FGF14: variants seen among roughly 807,000 people sequenced by gnomAD.
FGF14 encodes fibroblast growth factor 14.
In FGF14, 5 loss-of-function variants were observed where a neutral mutation model predicts 25.5. That is an observed-to-expected ratio of 0.20 (90% CI 0.10 to 0.41). The LOEUF is 0.41. FGF14 is among the 10% of genes least tolerant of loss of function. The pLI, the probability that FGF14 is intolerant of heterozygous loss-of-function variation, is 1.00. For synonymous variants in FGF14, 138 were observed against 118.3 expected (o/e 1.17, Z -1.08); for missense variants, 222 against 320.1 (o/e 0.69, Z 2.34).
At chr13:102,119,483 T>A (rs1225818522) in intron 1 of FGF14, among the ~76,000 whole-genome samples, 1 of 152,144 alleles carries the variant, frequency 6.6e-6, no homozygotes, top group East Asian at 1.9e-4. Context: ...AACAGAATAC[T>A]AAACGAGGCT....
At chr13:101,773,823 C>T (rs1301288547) in intron 3 of FGF14, among the ~76,000 whole-genome samples, 1 of 148,736 alleles carries the variant, frequency 6.7e-6, no homozygotes, top group African/African-American at 2.5e-5. Context: ...TGAGTATTAT[C>T]TGGGTATCAT....
At chr13:101,954,802 G>C (rs940242641) in intron 1 of FGF14, among the ~76,000 whole-genome samples, 2 of 152,172 alleles carry the variant, frequency 1.3e-5, no homozygotes, top group African/African-American at 4.8e-5. Context: ...ATAAGTTCTA[G>C]CAGCTATGAG....
At chr13:102,118,994 C>A (rs2045597033) in intron 1 of FGF14, among the ~76,000 whole-genome samples, 1 of 152,110 alleles carries the variant, frequency 6.6e-6, no homozygotes, top group South Asian at 2.1e-4. Flanking sequence ...CCTACAACCC[C>A]TAATGAATTC....
At chr13:102,116,660 A>T (rs372403520) in intron 1 of FGF14, among the ~76,000 whole-genome samples, 3 of 152,178 alleles carry the variant, frequency 2.0e-5, no homozygotes, top group Non-Finnish European at 4.4e-5. Context: ...CGCCAGGAAC[A>T]GGGGCATGAG....
At chr13:101,967,993 G>T (rs2037324605) in intron 1 of FGF14, among the ~76,000 whole-genome samples, 1 of 152,164 alleles carries the variant, frequency 6.6e-6, no homozygotes, top group South Asian at 2.1e-4. Context: ...ATGAGTCACT[G>T]GGTCAATGGT....
chr13:102,069,309 T>G (rs994259785), intron 1 of FGF14, among the ~76,000 whole-genome samples: 9 of 152,100 alleles, frequency 5.9e-5, no homozygotes, highest in African/African-American at 1.7e-4. Context: ...GCTCAGGGAT[T>G]GTAAACGCAC....
intron 3 of FGF14, among the ~76,000 whole-genome samples, chr13:101,774,166 C>G (rs577492065): frequency 1.3e-5 from 2 of 152,158 alleles, no homozygotes; most frequent in East Asian, 3.9e-4. Flanking sequence ...TCTGAAAAAG[C>G]TAAGATTAGC....
chr13:102,198,980 A>C (rs2049493868), intron 1 of FGF14, among the ~76,000 whole-genome samples: 1 of 152,226 alleles, frequency 6.6e-6, no homozygotes, highest in Non-Finnish European at 1.5e-5. Context: ...CTTATGTCTA[A>C]ATGTCACAAT....
chr13:101,870,321 C>T (rs1052364123), intron 2 of FGF14, among the ~76,000 whole-genome samples: 2 of 152,026 alleles, frequency 1.3e-5, no homozygotes, highest in African/African-American at 2.4e-5. Context: ...TCTCCCCTTA[C>T]ATCTTGAAAG....
intron 1 of FGF14, among the ~76,000 whole-genome samples, chr13:102,089,165 GC>G (rs1239219076): frequency 1.6e-4 from 24 of 151,988 alleles, no homozygotes; most frequent in Admixed American, 1.2e-3. Flanking sequence ...ATATTTGTTT[GC>G]ATTCATTTGA....
rs966380847 is a variant in FGF14 at position 102,400,100 on chromosome 13, G to C, written c.208+1371C>G. Among the ~76,000 whole-genome samples the C allele has an allele frequency of 2.7e-5, 4 of 150,882 alleles. No individual in the cohort carries two copies. The highest frequency in any genetic ancestry group is 2.2e-4 in the South Asian group (1 of 4,644). On this transcript the variant is annotated intron_variant, in intron 1 of 4. Transcript: ENST00000376131. The surrounding 1 kb of genome is among the most constrained non-coding windows in gnomAD (Gnocchi z 4.3). ...TCTGCCTCGCGCTGCACCCGCAGGC[G>C]GCAGACCCCTCGGAGCGCGCCACCC... is the stretch of plus-strand genomic sequence containing the variant.
intron 1 of FGF14, among the ~76,000 whole-genome samples, chr13:102,206,204 A>G (rs16959952): frequency 0.38 from 57,084 of 149,942 alleles, 12,202 homozygotes; most frequent in African/African-American, 0.59. Flanking sequence ...AGTTGGGTGT[A>G]CGGTAAAAAT....
intron 3 of FGF14, among the ~76,000 whole-genome samples, chr13:101,808,950 T>C (rs1566927149): frequency 6.6e-6 from 1 of 152,144 alleles, no homozygotes; most frequent in Non-Finnish European, 1.5e-5. Context: ...AGCTCCTGGA[T>C]ACACCGCTGT....
At chr13:101,763,453 A>T (rs1391668804) in intron 3 of FGF14, among the ~76,000 whole-genome samples, 4 of 152,258 alleles carry the variant, frequency 2.6e-5, no homozygotes, top group African/African-American at 9.6e-5. Flanking sequence ...TTTAATGACA[A>T]GATTGAGACA....
intron 1 of FGF14, among the ~76,000 whole-genome samples, chr13:102,148,637 C>A (rs1042892129): frequency 1.3e-5 from 2 of 151,844 alleles, no homozygotes; most frequent in Non-Finnish European, 2.9e-5. Context: ...GGTGAAACCC[C>A]GTCTCTACCA....
chr13:102,339,391 A>G (rs2056885260), intron 1 of FGF14, among the ~76,000 whole-genome samples: 1 of 152,156 alleles, frequency 6.6e-6, no homozygotes, highest in Non-Finnish European at 1.5e-5. Flanking sequence ...AGAAAAGACC[A>G]AACAAAAGAA....
intron 1 of FGF14, among the ~76,000 whole-genome samples, chr13:102,387,697 C>T (rs2058336854): frequency 6.6e-6 from 1 of 151,512 alleles, no homozygotes; most frequent in African/African-American, 2.4e-5. Flanking sequence ...AAGCATAGTA[C>T]CCACTAGGCA....
At chr13:102,125,775 T>C in intron 1 of FGF14, among the ~76,000 whole-genome samples, 1 of 152,176 alleles carries the variant, frequency 6.6e-6, no homozygotes, top group East Asian at 1.9e-4. Context: ...GCATAGTGTG[T>C]CATGGTGTAA....
intron 3 of FGF14, among the ~76,000 whole-genome samples, chr13:101,740,644 T>A (rs923790805): frequency 6.6e-6 from 1 of 151,954 alleles, no homozygotes; most frequent in African/African-American, 2.4e-5. Flanking sequence ...AGGTCAAATA[T>A]TGCAGTTTTG....
Sources: gnomAD v4.1 joint callset for allele counts (sites outside exome capture counted in the v4.1 genomes callset) on GRCh38, gnomAD v4.1.1 for gene constraint, Gnocchi (gnomAD v3.1) non-coding constraint, MANE v1.5 for transcripts, NCBI Gene and HGNC (gene_info 2026-07-23, HGNC 2026-07-21) for gene names.